ASXL2: variants seen among roughly 807,000 people sequenced by gnomAD.
The protein encoded by ASXL2 is putative Polycomb group protein ASXL2.
Under a neutral mutation model 122.0 loss-of-function variants are expected in ASXL2, and 23 were observed. The observed-to-expected ratio is 0.19, with a 90% confidence interval of 0.14 to 0.27. The LOEUF (loss-of-function observed/expected upper bound fraction) is 0.27, where lower values mean the gene tolerates loss of function less well. Ranked by LOEUF, ASXL2 falls within the 10% of genes least tolerant of loss-of-function variation. ASXL2 has a pLI of 1.00. For missense variants in ASXL2, 1,518 were observed against 1,713.8 expected (o/e 0.89, Z 2.02); for synonymous variants, 650 against 637.0 (o/e 1.02, Z -0.31).
chr2:25,780,415 G>T (rs928694721), intron 5 of ASXL2: 3 of 152,114 alleles, frequency 2.0e-5, no homozygotes, highest in African/African-American at 7.2e-5. Context: ...TTGTTGATGG[G>T]TATTTTTTTG....
At chr2:25,774,790 G>A (rs2088519015) in intron 5 of ASXL2, among the ~76,000 whole-genome samples, 1 of 152,118 alleles carries the variant, frequency 6.6e-6, no homozygotes, top group African/African-American at 2.4e-5. Context: ...CAAAATGTTT[G>A]TACAAAATTT....
intron 1 of ASXL2, among the ~76,000 whole-genome samples, chr2:25,870,806 C>T (rs972494766): frequency 1.3e-5 from 2 of 151,954 alleles, no homozygotes; most frequent in African/African-American, 4.8e-5. Flanking sequence ...TTTGTATATA[C>T]GAGGTAAAAA....
At chr2:25,792,792 G>A (rs941221069) in intron 5 of ASXL2, among the ~76,000 whole-genome samples, 7 of 151,696 alleles carry the variant, frequency 4.6e-5, no homozygotes, top group Non-Finnish European at 1.0e-4. Context: ...TTTTAGTAGA[G>A]AAGGGGTTTC....
At chr2:25,769,903 T>G (rs1044596240) in intron 6 of ASXL2, among the ~76,000 whole-genome samples, 1 of 152,210 alleles carries the variant, frequency 6.6e-6, no homozygotes, top group Non-Finnish European at 1.5e-5. Flanking sequence ...TCACTCTAAG[T>G]TGCCAATGCA....
At chr2:25,837,434 T>C (rs952969844) in intron 2 of ASXL2, among the ~76,000 whole-genome samples, 10 of 152,348 alleles carry the variant, frequency 6.6e-5, no homozygotes, top group African/African-American at 2.4e-4. Flanking sequence ...GACATATTCA[T>C]GTGATAAAAT....
In ASXL2 at chr2:25,741,904, A is replaced by T; in HGVS notation, c.*125T>A. 3.3e-6 allele frequency: 3 copies of T among 898,162 alleles called. No individual in the cohort carries two copies. Among genetic ancestry groups the T allele is most frequent in the Non-Finnish European group, 5.1e-6 (3 of 593,802 alleles). 55.6% of individuals were successfully genotyped at this position (898,162 alleles called of 1,614,324 possible). A position where few individuals can be genotyped will look rare whatever the true frequency, so the allele number is the denominator to read the frequency against. ...TGTACTTTGTATTCCTGATTAAGTA[A>T]CATTTGTCTCTGAAGACAACTGAAA... On this transcript the variant is annotated 3_prime_UTR_variant, in exon 13 of 13. Transcript: ENST00000435504.
intron 3 of ASXL2, among the ~76,000 whole-genome samples, chr2:25,834,311 C>A (rs1330566862): frequency 3.9e-5 from 6 of 151,998 alleles, no homozygotes; most frequent in Admixed American, 2.6e-4. Context: ...CGAGACCATG[C>A]CACTCCACTC....
chr2:25,865,206 G>A lies in ASXL2; in HGVS notation c.57+12960C>T, dbSNP rs1310235009. On this transcript the variant is annotated intron_variant, in intron 1 of 12. Transcript: ENST00000435504. Reference sequence around the variant, plus strand: ...AGCACTTTGGGAGGCTGAAGTGGGTGGCTCACTTGAGGCCAGGAGTTTGAG... The same window carrying A: ...AGCACTTTGGGAGGCTGAAGTGGGTAGCTCACTTGAGGCCAGGAGTTTGAG... 4.0e-5 allele frequency among the ~76,000 whole-genome samples: 6 copies of A among 151,272 alleles called. No individual in the cohort carries two copies. The South Asian group carries it at 6.3e-4, about 16-fold the overall frequency.
chr2:25,843,390 C>T (rs2089610812), intron 2 of ASXL2, among the ~76,000 whole-genome samples: 2 of 151,758 alleles, frequency 1.3e-5, no homozygotes, highest in Admixed American at 6.6e-5. Flanking sequence ...CGGCCTGCCT[C>T]GGCCTCCCAA....
intron 1 of ASXL2, among the ~76,000 whole-genome samples, chr2:25,873,393 G>C (rs967975052): frequency 1.3e-5 from 2 of 152,116 alleles, no homozygotes; most frequent in African/African-American, 4.8e-5. Flanking sequence ...ACTGACGACA[G>C]AGTGAGACTC....
Position 25,878,207 on chromosome 2 carries a change from G to C in ASXL2, c.16C>G (p.Arg6Gly). Residue 6 changes from arginine to glycine, a missense_variant, in exon 1 of 13, where the codon CGT becomes GGT. Transcript: ENST00000435504. ...GCCCAGGTCCTGCCCTTCTTCCTAC[G>C]TCCCTTTTCCCTCATGTCGGGTCTT... is the stretch of plus-strand genomic sequence containing the variant. MREKG[R>G]RKKGRTWAEA... 2 of 1,613,776 alleles carry C rather than the reference G, an allele frequency of 1.2e-6. No homozygotes were observed. Among genetic ancestry groups the C allele is most frequent in the Non-Finnish European group, 1.7e-6 (2 of 1,179,826 alleles).
chr2:25,754,294 G>A (rs972210654), intron 10 of ASXL2, among the ~76,000 whole-genome samples: 2 of 152,154 alleles, frequency 1.3e-5, no homozygotes, highest in South Asian at 2.1e-4. Context: ...CACTCCATCA[G>A]CAGAGAACAG....
intron 8 of ASXL2, among the ~76,000 whole-genome samples, chr2:25,761,756 A>G (rs982376981): frequency 1.3e-5 from 2 of 152,072 alleles, no homozygotes; most frequent in Non-Finnish European, 2.9e-5. Context: ...TAATATCTGT[A>G]AAATGCTGAC....
In ASXL2 at chr2:25,749,958, A is replaced by T; in HGVS notation, c.1598T>A (p.Val533Asp). The T allele has an allele frequency of 6.2e-7, 1 of 1,613,498 alleles. No homozygotes were observed. Among genetic ancestry groups the T allele is most frequent in the Admixed American group, 1.7e-5 (1 of 59,970 alleles). Reference sequence around the variant, plus strand: ...TGTGGGCTTCACTATTGGTTTTTCAACCCCAGGACTCTTGGGTTTGCTTGG... The same window carrying T: ...TGTGGGCTTCACTATTGGTTTTTCATCCCCAGGACTCTTGGGTTTGCTTGG... ...TSPSKPKSPG[V>D]EKPIVKPTAG... The change falls in exon 12 of 13, where the codon GTT (valine) becomes GAT (aspartate). Residue 533 changes from valine to aspartate, a missense_variant. By Grantham distance (152) the Val-to-Asp change is radical. This residue lies in a region of ASXL2 where 292 missense variants were observed against 293.5 expected (regional missense o/e 1.00). Transcript: ENST00000435504.
At chr2:25,846,785 C>G (rs1015375495) in intron 1 of ASXL2, among the ~76,000 whole-genome samples, 1 of 152,228 alleles carries the variant, frequency 6.6e-6, no homozygotes, top group Non-Finnish European at 1.5e-5. Context: ...CCCTGCACTA[C>G]AGCCTGGGCA....
intron 5 of ASXL2, among the ~76,000 whole-genome samples, chr2:25,790,129 T>C (rs1040582098): frequency 9.2e-5 from 14 of 152,292 alleles, no homozygotes; most frequent in African/African-American, 2.9e-4. Flanking sequence ...GCTGTTCAAA[T>C]GTCCACAGAC....
intron 1 of ASXL2, among the ~76,000 whole-genome samples, chr2:25,861,112 C>G (rs1468808908): frequency 2.0e-5 from 3 of 151,956 alleles, no homozygotes; most frequent in Admixed American, 6.6e-5. Context: ...AATAAGAAAA[C>G]AAAAATTATA....
chr2:25,796,609 A>G (rs2088913992), intron 5 of ASXL2, among the ~76,000 whole-genome samples: 1 of 152,212 alleles, frequency 6.6e-6, no homozygotes, highest in South Asian at 2.1e-4. Flanking sequence ...TGAAGTAGAC[A>G]CCAAACGGAA....
chr2:25,741,274 C>G lies in ASXL2; in HGVS notation c.*755G>C, dbSNP rs928824371. 1.3e-5 allele frequency: 3 copies of G among 225,000 alleles called. No homozygotes were observed. The Middle Eastern group carries it at 4.2e-3, about 316-fold the overall frequency. 13.9% of individuals were successfully genotyped at this position (225,000 alleles called of 1,614,324 possible). On this transcript the variant is annotated 3_prime_UTR_variant, in exon 13 of 13. Coordinates refer to ENST00000435504, the MANE Select transcript of ASXL2 (RefSeq NM_018263.6). ...GGGTCCCAGAGAGGCACTCCCTTCA[C>G]GGACTACATTCACTGTCTCAGGGCA...
Sources: allele counts gnomAD v4.1 joint callset (sites outside exome capture counted in the v4.1 genomes callset), GRCh38; gene constraint gnomAD v4.1.1; regional missense constraint gnomAD v4.1.1; transcripts MANE v1.5; gene names NCBI Gene and HGNC (gene_info 2026-07-23, HGNC 2026-07-21).